The following MARCHF8 variants were observed in gnomAD, a reference collection of about 807,000 sequenced individuals.
MARCHF8 encodes the protein membrane associated ring-CH-type finger 8, also known as E3 ubiquitin-protein ligase MARCHF8.
In MARCHF8, 40 loss-of-function variants were observed where a neutral mutation model predicts 51.6. That is an observed-to-expected ratio of 0.77 (90% CI 0.60 to 1.01). MARCHF8 has a LOEUF of 1.01. MARCHF8 is among the 50% of genes least tolerant of loss of function. MARCHF8 has a pLI of 0.00. For missense variants in MARCHF8, 685 were observed against 708.6 expected (o/e 0.97, Z 0.38); for synonymous variants, 263 against 280.3 (o/e 0.94, Z 0.62).
chr10:45,461,608 A>C (rs1286044429), intron 5 of MARCHF8, 197 bp from the exon 6 acceptor site: 7 of 407,146 alleles, frequency 1.7e-5, no homozygotes, highest in Non-Finnish European at 3.0e-5. Context: ...ACCAACATGG[A>C]AAGTCTGGAG....
At chr10:45,528,805 A>G (rs1438085740) in intron 2 of MARCHF8, among the ~76,000 whole-genome samples, 1 of 152,256 alleles carries the variant, frequency 6.6e-6, no homozygotes, top group African/African-American at 2.4e-5. Flanking sequence ...GATCTCTACA[A>G]GAAAAACTAC....
intron 1 of MARCHF8, among the ~76,000 whole-genome samples, chr10:45,561,275 ATTTT>A (rs369519527): frequency 1.4e-5 from 2 of 142,946 alleles, no homozygotes; most frequent in Non-Finnish European, 3.1e-5. Flanking sequence ...ATGAAACAGA[ATTTT>A]TTTTTTTTTT....
intron 1 of MARCHF8, among the ~76,000 whole-genome samples, chr10:45,542,310 G>A (rs1216713999): frequency 8.2e-6 from 1 of 122,070 alleles, no homozygotes; most frequent in South Asian, 2.8e-4. Context: ...CCGTCCTACC[G>A]CACTCCAGCC....
intron 2 of MARCHF8, among the ~76,000 whole-genome samples, chr10:45,493,669 C>A (rs1470443318): frequency 7.2e-5 from 11 of 152,176 alleles, no homozygotes; most frequent in African/African-American, 2.7e-4. Flanking sequence ...TTCTGCATTT[C>A]CAAAAAGCTC....
intron 1 of MARCHF8, among the ~76,000 whole-genome samples, chr10:45,544,904 A>G (rs1446028657): frequency 6.6e-6 from 1 of 152,086 alleles, no homozygotes; most frequent in Non-Finnish European, 1.5e-5. Context: ...ATCCCACCTC[A>G]TTTTGTACTA....
intron 1 of MARCHF8, among the ~76,000 whole-genome samples, chr10:45,541,379 A>G (rs1012765826): frequency 6.6e-6 from 1 of 152,120 alleles, no homozygotes; most frequent in African/African-American, 2.4e-5. Flanking sequence ...ATGAGAACAC[A>G]TGGACACAGG....
At chr10:45,532,893 T>C (rs1054654559) in intron 2 of MARCHF8, among the ~76,000 whole-genome samples, 3 of 152,148 alleles carry the variant, frequency 2.0e-5, no homozygotes, top group Admixed American at 1.3e-4. Context: ...CCAATGAAGA[T>C]AAGTCATTTA....
intron 1 of MARCHF8, among the ~76,000 whole-genome samples, chr10:45,569,714 C>T (rs151209607): frequency 2.4e-4 from 37 of 152,134 alleles, no homozygotes; most frequent in African/African-American, 8.7e-4. Flanking sequence ...TGAATGACCA[C>T]GGGAACACTT....
At chr10:45,561,132 T>C (rs910804281) in intron 1 of MARCHF8, among the ~76,000 whole-genome samples, 1 of 151,890 alleles carries the variant, frequency 6.6e-6, no homozygotes, top group Non-Finnish European at 1.5e-5. Context: ...AAAAAGGGAA[T>C]AAAAATAAAT....
At chr10:45,502,892 T>G (rs1363170910) in intron 2 of MARCHF8, among the ~76,000 whole-genome samples, 1 of 152,192 alleles carries the variant, frequency 6.6e-6, no homozygotes, top group Non-Finnish European at 1.5e-5. Context: ...AATTGACTAT[T>G]CTTTTTCTCT....
intron 1 of MARCHF8, among the ~76,000 whole-genome samples, chr10:45,545,327 G>A (rs765982262): frequency 2.6e-5 from 4 of 152,142 alleles, no homozygotes; most frequent in Non-Finnish European, 5.9e-5. Flanking sequence ...GAGACAGCAG[G>A]CAAAAATGGC....
chr10:45,477,594 T>G (rs1209628892), intron 3 of MARCHF8, among the ~76,000 whole-genome samples: 2 of 152,148 alleles, frequency 1.3e-5, no homozygotes, highest in East Asian at 1.9e-4. Context: ...GTAAATGAAT[T>G]AAACTTTCCA....
At chr10:45,581,870 T>C (rs574363569) in intron 1 of MARCHF8, among the ~76,000 whole-genome samples, 2 of 147,670 alleles carry the variant, frequency 1.4e-5, no homozygotes, top group East Asian at 4.0e-4. Flanking sequence ...CCCAGATGAA[T>C]CATCAAGAAC....
At chr10:45,475,999 A>G (rs1564472530) in intron 3 of MARCHF8, among the ~76,000 whole-genome samples, 1 of 152,210 alleles carries the variant, frequency 6.6e-6, no homozygotes, top group Non-Finnish European at 1.5e-5. Flanking sequence ...AGACTATACT[A>G]CTGCACACAA....
intron 2 of MARCHF8, among the ~76,000 whole-genome samples, chr10:45,511,460 C>G (rs971364564): frequency 2.6e-5 from 4 of 152,180 alleles, no homozygotes; most frequent in African/African-American, 9.7e-5. Context: ...GATGCCGAGC[C>G]GAAGCTGGAC....
intron 2 of MARCHF8, among the ~76,000 whole-genome samples, chr10:45,513,341 G>A (rs927343728): frequency 2.6e-5 from 4 of 152,120 alleles, no homozygotes; most frequent in African/African-American, 9.7e-5. Flanking sequence ...AGTGCAGAAT[G>A]TACTCATTCA....
intron 1 of MARCHF8, among the ~76,000 whole-genome samples, chr10:45,542,225 A>T (rs1350823980): frequency 9.2e-5 from 14 of 151,542 alleles, no homozygotes; most frequent in Admixed American, 9.2e-4. Context: ...GGGCACCTGT[A>T]GTCCCCAGCT....
At chr10:45,491,431 C>T (rs150985888) in intron 2 of MARCHF8, among the ~76,000 whole-genome samples, 26 of 152,098 alleles carry the variant, frequency 1.7e-4, no homozygotes, top group Non-Finnish European at 3.1e-4. Context: ...CCAACTACTC[C>T]GGAGGCTGAG....
intron 1 of MARCHF8, among the ~76,000 whole-genome samples, chr10:45,574,440 C>G (rs1399050327): frequency 6.6e-6 from 1 of 152,198 alleles, no homozygotes; most frequent in Non-Finnish European, 1.5e-5. Flanking sequence ...ACCCATTATT[C>G]TGTTCTGGAT....
Sources: gnomAD v4.1 joint callset for allele counts (sites outside exome capture counted in the v4.1 genomes callset) on GRCh38, gnomAD v4.1.1 for gene constraint, MANE v1.5 for transcripts, NCBI Gene and HGNC (gene_info 2026-07-23, HGNC 2026-07-21) for gene names.